The following PSME4 variants were observed in gnomAD, a reference collection of about 807,000 sequenced individuals.
PSME4 encodes proteasome activator complex subunit 4.
PSME4 carries 89 observed loss-of-function variants against 253.9 expected under a neutral mutation model. The ratio of observed to expected loss-of-function variants is 0.35; its 90% CI spans 0.30 to 0.42. PSME4 has a LOEUF of 0.42. Ranked by LOEUF, PSME4 falls within the 10% of genes least tolerant of loss-of-function variation. PSME4 has a pLI of 1.00. For synonymous variants in PSME4, 851 were observed against 759.2 expected, an observed-to-expected ratio of 1.12 and a Z score of -1.99; for missense variants, 2,014 against 2,195.2, an observed-to-expected ratio of 0.92 and a Z score of 1.65.
chr2:53,866,063 A>G, intron 46 of PSME4, 22 bp downstream of exon 46: 1 of 1,588,954 alleles, frequency 6.3e-7, no homozygotes, highest in Middle Eastern at 1.7e-4. Context: ...ACCAATGTAA[A>G]TTCAGAACTT....
chr2:53,911,675 C>G (rs2104443982), intron 20 of PSME4, among the ~76,000 whole-genome samples: 1 of 152,014 alleles, frequency 6.6e-6, no homozygotes. Flanking sequence ...GCCATAAACA[C>G]TTAGTTTTCT....
chr2:53,967,529 C>A lies in PSME4; in HGVS notation c.242+3014G>T, dbSNP rs941675580. 2.2e-4 allele frequency among the ~76,000 whole-genome samples: 34 copies of A among 151,684 alleles called. 8 individuals carry two copies. The highest frequency in any genetic ancestry group is 2.2e-3 in the Admixed American group (33 of 15,232). On this transcript the variant is annotated intron_variant, in intron 1 of 46. Transcript: ENST00000404125. ...TGGCAGCGCACAACTGTAATCCCAGCTACTCAGGAGGCTGAGGCAGGAGAA... is the reference window on the plus strand; with the variant it reads ...TGGCAGCGCACAACTGTAATCCCAGATACTCAGGAGGCTGAGGCAGGAGAA...
chr2:53,876,716 C>CTTTTTTTTTTT lies in PSME4; in HGVS notation c.4816-972_4816-962dup, dbSNP rs10599430. Among the ~76,000 whole-genome samples, 400 of 97,774 alleles carry CTTTTTTTTTTT rather than the reference C, an allele frequency of 4.1e-3. 14 individuals carry two copies. Among genetic ancestry groups the CTTTTTTTTTTT allele is most frequent in the East Asian group, 6.7e-3 (16 of 2,390 alleles). 64.1% of individuals were successfully genotyped at this position (97,774 alleles called of 152,430 possible). A position where few individuals can be genotyped will look rare whatever the true frequency, so the allele number is the denominator to read the frequency against. The stretch of plus-strand genomic sequence containing the variant: ...TCTGATGGCTGTAGCCACTGTCATT[C>CTTTTTTTTTTT]TTTTTTTTTTTTTTTTTTTTGAGAC... On this transcript the variant is annotated intron_variant, in intron 41 of 46. Coordinates refer to ENST00000404125, the MANE Select transcript of PSME4 (RefSeq NM_014614.3).
chr2:53,970,362 T>G (rs908726574), intron 1 of PSME4, among the ~76,000 whole-genome samples, 181 bp downstream of exon 1: 1 of 152,150 alleles, frequency 6.6e-6, no homozygotes, highest in Non-Finnish European at 1.5e-5. Flanking sequence ...CGTAGGAAAG[T>G]GGCAGGGAGG....
chr2:53,896,715 T>C, intron 32 of PSME4, 89 bp downstream of exon 32: 2 of 951,950 alleles, frequency 2.1e-6, no homozygotes, highest in Non-Finnish European at 3.4e-6. Context: ...AGAACAATAT[T>C]TGAGGTCAAG....
chr2:53,916,478 T>G (rs1243164196), intron 20 of PSME4, among the ~76,000 whole-genome samples: 1 of 152,210 alleles, frequency 6.6e-6, no homozygotes, highest in Non-Finnish European at 1.5e-5. Context: ...ACTAATGTGC[T>G]AAGTTAATTC....
chr2:53,939,961 G>A lies in PSME4; in HGVS notation c.540C>T (p.Cys180=). 1 of 1,597,272 alleles carries A rather than the reference G, an allele frequency of 6.3e-7. No individual in the cohort carries two copies. The change falls in exon 4 of 47, where the codon TGC becomes TGT. Residue 180 remains cysteine, a synonymous_variant. Coordinates refer to ENST00000404125, the MANE Select transcript of PSME4 (RefSeq NM_014614.3). ...TAAATTGAGAAGCTACTTACGGTCG[G>A]CAGCTTTTCACGAGTGTTTTGAGAA... The part of the protein sequence containing the change: ...ENILKTLVKS[C]RPYFPADATA...
intron 5 of PSME4, among the ~76,000 whole-genome samples, chr2:53,937,089 T>A (rs1460583620): frequency 1.3e-5 from 2 of 152,190 alleles, no homozygotes; most frequent in African/African-American, 4.8e-5. Flanking sequence ...TTAACAATTG[T>A]TTTCAATTTT....
chr2:53,875,638 C>G lies in PSME4; in HGVS notation c.4933G>C (p.Val1645Leu), dbSNP rs760442129. ...YPHQVPLVLQ[V>L]LKQTARSSSW... Reference sequence around the variant, plus strand: ...ATAAACACTCTTACTTGTTTTAGCACCTGAAGTACCAAAGGCACTTGATGA... The same window carrying G: ...ATAAACACTCTTACTTGTTTTAGCAGCTGAAGTACCAAAGGCACTTGATGA... Residue 1645 changes from valine (V) to leucine (L), a missense_variant, in exon 42 of 47, where the codon GTG (valine) becomes CTG (leucine). Physicochemically the swap from Val to Leu is conservative, Grantham distance 32. This residue lies in a region of PSME4 where 403 missense variants were observed against 556.1 expected (regional missense o/e 0.72). Coordinates refer to ENST00000404125, the MANE Select transcript of PSME4 (RefSeq NM_014614.3). The G allele has an allele frequency of 6.2e-7, 1 of 1,604,058 alleles. No individual in the cohort carries two copies.
chr2:53,941,575 T>C (rs1669457332), intron 3 of PSME4, among the ~76,000 whole-genome samples: 1 of 152,082 alleles, frequency 6.6e-6, no homozygotes, highest in South Asian at 2.1e-4. Flanking sequence ...ATCTGTCTAT[T>C]GATTTGTAAT....
At position 53,925,972 on chromosome 2, in the gene PSME4, G is replaced by GT; in HGVS notation, c.1644dup (p.Gln549ThrfsTer13). The GT allele has an allele frequency of 6.2e-7, 1 of 1,613,154 alleles. No homozygotes were observed. ...TTACAAGCTCACCTGTCCATAAACT[G>GT]TAAGACGAAATCCTCAAATTCAGCT... On this transcript the variant is annotated frameshift_variant, in exon 13 of 47. Transcript: ENST00000404125. LOFTEE classifies it high-confidence loss of function.
chr2:53,970,468 C>T, intron 1 of PSME4, 75 bp downstream of exon 1: 1 of 1,542,928 alleles, frequency 6.5e-7, no homozygotes, highest in Non-Finnish European at 8.7e-7. Context: ...GCCCTCTGGA[C>T]AAAGAGCAAC....
At chr2:53,933,624 C>A (rs1170229124) in intron 8 of PSME4, among the ~76,000 whole-genome samples, 2 of 152,192 alleles carry the variant, frequency 1.3e-5, no homozygotes, top group Admixed American at 6.5e-5. Flanking sequence ...TCAAGCTATC[C>A]TTCCATCTCG....
chr2:53,875,775 G>A lies in PSME4; in HGVS notation c.4816-20C>T. The A allele has an allele frequency of 6.3e-7, 1 of 1,599,068 alleles. No homozygotes were observed. ...GGCAATCTAAAAAACAATGTAAAAA[G>A]GACAAAAATGGAAAAATAATTGCCA... On this transcript the variant is annotated intron_variant, in intron 41 of 46. Transcript: ENST00000404125.
At chr2:53,948,931 G>A (rs1558421441) in intron 2 of PSME4, among the ~76,000 whole-genome samples, 2 of 152,178 alleles carry the variant, frequency 1.3e-5, no homozygotes, top group Non-Finnish European at 2.9e-5. Context: ...TTCAATGGGT[G>A]CTAGAGAAGA....
At chr2:53,949,938 AT>A (rs1669898232) in intron 1 of PSME4, among the ~76,000 whole-genome samples, 1 of 152,160 alleles carries the variant, frequency 6.6e-6, no homozygotes. Flanking sequence ...TTTTATATCT[AT>A]TCTCACTATT....
At chr2:53,874,981 C>T (rs368886781) in intron 42 of PSME4, among the ~76,000 whole-genome samples, 5 of 152,098 alleles carry the variant, frequency 3.3e-5, no homozygotes, top group Admixed American at 6.6e-5. Flanking sequence ...AGGTAAAAGT[C>T]AATTTCACAA....
At chr2:53,904,679 T>C (rs529122153) in intron 26 of PSME4, among the ~76,000 whole-genome samples, 1 of 152,148 alleles carries the variant, frequency 6.6e-6, no homozygotes, top group African/African-American at 2.4e-5. Flanking sequence ...ACTAGTTAAA[T>C]AGTAATGGAT....
chr2:53,923,729 C>G (rs1668429409), intron 14 of PSME4, among the ~76,000 whole-genome samples: 1 of 151,872 alleles, frequency 6.6e-6, no homozygotes, highest in Non-Finnish European at 1.5e-5. Context: ...TCAAGACCAG[C>G]CTGGCCAACA....
Sources: gnomAD v4.1 joint callset for allele counts (sites outside exome capture counted in the v4.1 genomes callset) on GRCh38, gnomAD v4.1.1 for gene constraint, gnomAD v4.1.1 regional missense constraint, MANE v1.5 for transcripts, NCBI Gene and HGNC (gene_info 2026-07-23, HGNC 2026-07-21) for gene names.